The following C1QTNF6 variants were observed in gnomAD, a reference collection of about 807,000 sequenced individuals.
C1QTNF6 encodes the protein C1q and TNF related 6.
In C1QTNF6, 17 loss-of-function variants were observed where a neutral mutation model predicts 20.7. The observed-to-expected ratio is 0.82, with a 90% CI of 0.56 to 1.23. The LOEUF is 1.23. Among genes scored for constraint, C1QTNF6 ranks in the 50% most tolerant of loss-of-function variants. C1QTNF6 has a pLI of 0.00. For synonymous variants in C1QTNF6, 130 were observed against 156.3 expected, an observed-to-expected ratio of 0.83 and a Z score of 1.25; for missense variants, 329 against 389.7, an observed-to-expected ratio of 0.84 and a Z score of 1.31.
chr22:37,191,286 TTGA>T (rs1924805429), upstream of C1QTNF6, among the ~76,000 whole-genome samples: 1 of 152,206 alleles, frequency 6.6e-6, no homozygotes, highest in Admixed American at 6.5e-5. Context: ...ATAATTATTA[TTGA>T]TAATGTCCAT....
rs780992816 is a variant in C1QTNF6, at chr22:37,180,259, G to T, written c.*1929C>A. On this transcript the variant is annotated 3_prime_UTR_variant, in exon 3 of 3. Coordinates refer to ENST00000337843, the MANE Select transcript of C1QTNF6 (RefSeq NM_031910.4). ...ATCAGGCAGGGTGGTTTATAGCACA[G>T]GTCTTCCTGGCACTTGGTCAGACCC... 451 of 152,868 alleles carry T rather than the reference G, an allele frequency of 3.0e-3. 3 individuals carry two copies. The highest frequency in any genetic ancestry group is 5.7e-3 in the Admixed American group (87 of 15,304). The allele number at this position is 152,868 out of a possible 1,614,324, so 9.5% of individuals were successfully genotyped here.
In C1QTNF6 at chr22:37,182,035, T is replaced by A; in HGVS notation, c.*153A>T. On this transcript the variant is annotated 3_prime_UTR_variant, in exon 3 of 3. Coordinates refer to ENST00000337843, the MANE Select transcript of C1QTNF6 (RefSeq NM_031910.4). ...AGGAGCAGAAATAGGCTGGGAGGGA[T>A]GATGGCAGCCAAGATAGAAGCAGGG... The A allele has an allele frequency of 1.3e-6, 1 of 775,024 alleles. No homozygotes were observed. Among genetic ancestry groups the A allele is most frequent in the Admixed American group, 3.0e-5 (1 of 33,742 alleles). 48.0% of individuals were successfully genotyped at this position (775,024 alleles called of 1,614,324 possible). A position where few individuals can be genotyped will look rare whatever the true frequency, so the allele number is the denominator to read the frequency against.
intron 2 of C1QTNF6, among the ~76,000 whole-genome samples, chr22:37,183,668 G>T (rs1343344589): frequency 6.6e-6 from 1 of 152,246 alleles, no homozygotes; most frequent in Non-Finnish European, 1.5e-5. Context: ...AGAAAGGAGG[G>T]CACAGGCCCT....
upstream of C1QTNF6, among the ~76,000 whole-genome samples, chr22:37,190,311 T>C (rs118080156): frequency 6.6e-6 from 1 of 152,286 alleles, no homozygotes; most frequent in Non-Finnish European, 1.5e-5. Flanking sequence ...TTATTTGCCA[T>C]ACAGGCTCCT....
upstream of C1QTNF6, chr22:37,188,317 G>GGGGATGGAGGGAGAGAGGA: frequency 1.0e-6 from 1 of 955,774 alleles, no homozygotes; most frequent in Admixed American, 2.9e-5. Context: ...GGGAGAGAGG[G>GGGGATGGAGGGAGAGAGGA]CGGAGGGAGG....
Position 37,185,388 on chromosome 22 carries a change from T to TC in C1QTNF6, c.118dup (p.Glu40GlyfsTer10). The TC allele has an allele frequency of 1.9e-6, 3 of 1,613,392 alleles. No individual in the cohort carries two copies. Among genetic ancestry groups the TC allele is most frequent in the Non-Finnish European group, 2.5e-6 (3 of 1,179,780 alleles). ...AAAGGTGAGCTCCACCATAGGGATC[T>TC]CACACATCAGGAGAAAGAGCAGGAG... is the stretch of plus-strand genomic sequence containing the variant. On this transcript the variant is annotated frameshift_variant, in exon 2 of 3. Transcript: ENST00000337843. LOFTEE classifies it high-confidence loss of function.
At position 37,185,447 on chromosome 22, in the gene C1QTNF6, C is replaced by T. The variant is rs757903932; in HGVS notation, c.60G>A (p.Met20Ile). 5.0e-6 allele frequency: 8 copies of T among 1,599,500 alleles called. No homozygotes were observed. Among genetic ancestry groups the T allele is most frequent in the Non-Finnish European group, 6.8e-6 (8 of 1,171,744 alleles). The change falls in exon 2 of 3, where the codon ATG becomes ATA. Residue 20 changes from methionine (M) to isoleucine (I), a missense_variant. By Grantham distance (10) the Met-to-Ile change is conservative. Coordinates refer to ENST00000337843, the MANE Select transcript of C1QTNF6 (RefSeq NM_031910.4). ...PGEATGHRVT[M>I]GTAALGPVWA... ...AGACGGGACCCAGGGCGGCTGTCCC[C>T]ATGGTGACCTGGAACAAGGAAGGAG...
chr22:37,185,267 G>A lies in C1QTNF6; in HGVS notation c.240C>T (p.Pro80=), dbSNP rs758618169. 34 of 1,606,940 alleles carry A rather than the reference G, an allele frequency of 2.1e-5. No homozygotes were observed. In the East Asian group the frequency reaches 6.9e-4, roughly 33 times the overall value. Residue 80 remains proline, a synonymous_variant, in exon 2 of 3, where the codon CCC becomes CCT. Transcript: ENST00000337843. Reference sequence around the variant, plus strand: ...AGGGTCTGATCTCAGGCAGGGCGTGGGGGCGGCCGGAGGAAGAGGCTGAGG... The same window carrying A: ...AGGGTCTGATCTCAGGCAGGGCGTGAGGGCGGCCGGAGGAAGAGGCTGAGG... ...HVSSASSSGR[P]HALPEIRPYI...
chr22:37,188,370 C>T, upstream of C1QTNF6: 2 of 593,770 alleles, frequency 3.4e-6, no homozygotes, highest in South Asian at 5.2e-5. Flanking sequence ...CCCCTCCTCC[C>T]TGCTCCCTCC....
chr22:37,188,186 G>A lies in C1QTNF6; in HGVS notation c.28C>T (p.Pro10Ser). The A allele has an allele frequency of 2.5e-6, 4 of 1,609,708 alleles. No homozygotes were observed. Among genetic ancestry groups the A allele is most frequent in the Non-Finnish European group, 3.4e-6 (4 of 1,177,970 alleles). Residue 10 changes from proline (P) to serine (S), a missense_variant, in exon 1 of 3, where the codon CCT (proline) becomes TCT (serine). Physicochemically the swap from Pro to Ser is moderately conservative, Grantham distance 74. Transcript: ENST00000337843. MQWLRVRES[P>S]GEATGHRVTM... ...ACCCTGTGTCCTGTGGCCTCCCCAG[G>A]CGACTCACGGACCCTGAGCCACTGC...
upstream of C1QTNF6, among the ~76,000 whole-genome samples, chr22:37,193,147 T>C (rs1363009834): frequency 6.6e-6 from 1 of 152,156 alleles, no homozygotes; most frequent in Non-Finnish European, 1.5e-5. Context: ...CCATTAGCCA[T>C]CCCTAAAAGT....
Position 37,182,262 on chromosome 22 carries a change from T to C in C1QTNF6, c.763A>G (p.Asn255Asp). The change falls in exon 3 of 3, where the codon AAC becomes GAC. Residue 255 changes from asparagine to aspartate, a missense_variant. Coordinates refer to ENST00000337843, the MANE Select transcript of C1QTNF6 (RefSeq NM_031910.4). ...TCGAAGTCGTTGCTGTAGATGGCGT[T>C]CTCGCGCTGGCGCTTGAAGAGCCGC... Reference protein sequence around the residue: ...WVRLFKRQRENAIYSNDFDTY... With the variant: ...WVRLFKRQREDAIYSNDFDTY... 3 of 1,614,222 alleles carry C rather than the reference T, an allele frequency of 1.9e-6. No homozygotes were observed.
intron 2 of C1QTNF6, 54 bp downstream of exon 2, chr22:37,185,164 C>T: frequency 1.3e-6 from 2 of 1,506,482 alleles, no homozygotes; most frequent in South Asian, 1.3e-5. Context: ...CTCCCTCCAC[C>T]TCAGCTCCCT....
chr22:37,186,580 G>A (rs1399064532), intron 1 of C1QTNF6, among the ~76,000 whole-genome samples: 1 of 152,216 alleles, frequency 6.6e-6, no homozygotes, highest in Admixed American at 6.5e-5. Context: ...CCAAGAAGGG[G>A]TCTAGGGCTC....
rs1176129233 is a variant in C1QTNF6 at position 37,185,257 on chromosome 22, G to A, written c.250C>T (p.Pro84Ser). The change falls in exon 2 of 3, where the codon CCT (proline) becomes TCT (serine). Residue 84 changes from proline to serine, a missense_variant. Coordinates refer to ENST00000337843, the MANE Select transcript of C1QTNF6 (RefSeq NM_031910.4). ...ATATTAATGTAGGGTCTGATCTCAG[G>A]CAGGGCGTGGGGGCGGCCGGAGGAA... ...ASSSGRPHAL[P>S]EIRPYINITI... 6 of 1,600,264 alleles carry A rather than the reference G, an allele frequency of 3.7e-6. No homozygotes were observed. The highest frequency in any genetic ancestry group is 1.3e-5 in the African/African-American group (1 of 74,644).
Position 37,182,655 on chromosome 22 carries a change from C to T in C1QTNF6, c.370G>A (p.Gly124Ser). The change falls in exon 3 of 3, where the codon GGC (glycine) becomes AGC (serine). Residue 124 changes from glycine (G) to serine (S), a missense_variant. Transcript: ENST00000337843. ...EGPQGEPGPQ[G>S]SKGDKGEMGS... ...ATCTCCCCCTTGTCACCCTTGCTGC[C>T]CTGAGGGCCAGGCTCCCCTTGGGGA... 6.2e-7 allele frequency: 1 copy of T among 1,613,262 alleles called. No homozygotes were observed. Among genetic ancestry groups the T allele is most frequent in the Non-Finnish European group, 8.5e-7 (1 of 1,180,020 alleles).
chr22:37,192,664 G>A (rs1484936653), upstream of C1QTNF6, among the ~76,000 whole-genome samples: 1 of 152,216 alleles, frequency 6.6e-6, no homozygotes, highest in Admixed American at 6.5e-5. Flanking sequence ...TTAAAGTCAT[G>A]TGAACCAAAA....
At chr22:37,196,394 T>G (rs1925135064) in intron 1 of C1QTNF6, 1 of 152,182 alleles carries the variant, frequency 6.6e-6, no homozygotes. Flanking sequence ...AAAGACTGTC[T>G]CAAATGTCCC....
intron 1 of C1QTNF6, among the ~76,000 whole-genome samples, chr22:37,186,354 AACTAT>A: frequency 6.6e-6 from 1 of 152,240 alleles, no homozygotes; most frequent in Non-Finnish European, 1.5e-5. Context: ...TTGTGCAGTC[AACTAT>A]CTATGCAACC....
Sources: allele counts gnomAD v4.1 joint callset (sites outside exome capture counted in the v4.1 genomes callset), GRCh38; gene constraint gnomAD v4.1.1; transcripts MANE v1.5; gene names NCBI Gene and HGNC (gene_info 2026-07-23, HGNC 2026-07-21).